Variants in IL1RAPL1 observed in about 807,000 individuals in gnomAD.
IL1RAPL1 encodes interleukin 1 receptor accessory protein like 1.
A neutral mutation model predicts 48.4 loss-of-function variants in IL1RAPL1; 3 were observed. The ratio of observed to expected loss-of-function variants is 0.06; its 90% CI spans 0.03 to 0.16. The LOEUF (loss-of-function observed/expected upper bound fraction) is 0.16. Among genes scored for constraint, IL1RAPL1 ranks in the 10% least tolerant of loss-of-function variants. IL1RAPL1 has a pLI of 1.00. For synonymous variants in IL1RAPL1, 185 were observed against 187.7 expected (o/e 0.99, Z 0.12); for missense variants, 349 against 530.6 (o/e 0.66, Z 3.36).
intron 5 of IL1RAPL1, among the ~76,000 whole-genome samples, chrX:29,400,720 G>T (rs1390534767): frequency 9.0e-6 from 1 of 111,584 alleles, no homozygotes; most frequent in Admixed American, 9.5e-5. Flanking sequence ...TTCTTTTAAG[G>T]TATCTGGCTA....
At chrX:29,910,245 G>A (rs1024711785) in intron 6 of IL1RAPL1, among the ~76,000 whole-genome samples, 8 of 110,610 alleles carry the variant, frequency 7.2e-5, no homozygotes, top group East Asian at 5.7e-4. Context: ...GAGGGTGAGA[G>A]GAGGCTGAGA....
At chrX:29,079,224 A>G (rs925824658) in intron 2 of IL1RAPL1, among the ~76,000 whole-genome samples, 2 of 111,846 alleles carry the variant, frequency 1.8e-5, no homozygotes, top group Non-Finnish European at 3.8e-5. Context: ...AGAAATTCAA[A>G]CTGTCAGAGG....
chrX:28,723,542 C>T (rs745964246), intron 1 of IL1RAPL1, among the ~76,000 whole-genome samples: 1 of 111,750 alleles, frequency 8.9e-6, no homozygotes, highest in African/African-American at 3.3e-5. Context: ...TTCAAAAAAG[C>T]AGCTTCTGGA....
chrX:28,845,412 T>C (rs1240249782), intron 2 of IL1RAPL1, among the ~76,000 whole-genome samples: 1 of 111,882 alleles, frequency 8.9e-6, no homozygotes, highest in African/African-American at 3.2e-5. Flanking sequence ...ATCAATGATA[T>C]AAAATCTCTC....
chrX:29,706,413 C>G (rs1226587865), intron 6 of IL1RAPL1, among the ~76,000 whole-genome samples: 1 of 111,932 alleles, frequency 8.9e-6, no homozygotes, highest in East Asian at 2.8e-4. Flanking sequence ...TCTCTTCCAC[C>G]TATGAGCCTG....
At position 29,497,846 on chromosome X, in the gene IL1RAPL1, A is replaced by G. The variant is rs150559159; in HGVS notation, c.703+98538A>G. Among the ~76,000 whole-genome samples, 871 of 111,810 alleles carry G rather than the reference A, an allele frequency of 7.8e-3. 4 individuals are homozygous for G. Among genetic ancestry groups the G allele is most frequent in the African/African-American group, 0.025 (776 of 30,784 alleles). ...TTCATCTTAAATTTGGTGATCCTCTATAGTTTAATAATTGTCAGAATAAAG... is the reference window on the plus strand; with the variant it reads ...TTCATCTTAAATTTGGTGATCCTCTGTAGTTTAATAATTGTCAGAATAAAG... On this transcript the variant is annotated intron_variant, in intron 5 of 10. Transcript: ENST00000378993.
At chrX:28,977,204 T>C (rs1333658055) in intron 2 of IL1RAPL1, among the ~76,000 whole-genome samples, 1 of 112,265 alleles carries the variant, frequency 8.9e-6, no homozygotes, top group South Asian at 3.7e-4. Flanking sequence ...CACACTGTTA[T>C]AAAGAAATAC....
intron 6 of IL1RAPL1, among the ~76,000 whole-genome samples, chrX:29,772,832 C>T (rs1162991307): frequency 9.0e-6 from 1 of 111,347 alleles, no homozygotes; most frequent in African/African-American, 3.3e-5. Context: ...CAGTGCTCTT[C>T]TCCATTTGCT....
intron 1 of IL1RAPL1, among the ~76,000 whole-genome samples, chrX:28,671,772 A>C (rs1257361391): frequency 8.9e-6 from 1 of 112,126 alleles, no homozygotes; most frequent in African/African-American, 3.2e-5. Flanking sequence ...TGCCTAGCCA[A>C]TTTAATATGA....
chrX:28,992,521 G>GA lies in IL1RAPL1; in HGVS notation c.82+203106dup, dbSNP rs1213340667. 4.5e-3 allele frequency among the ~76,000 whole-genome samples: 385 copies of GA among 86,030 alleles called. 1 individual carries two copies. The highest frequency in any genetic ancestry group is 0.014 in the African/African-American group (342 of 23,604). 74.7% of individuals were successfully genotyped at this position (86,030 alleles called of 115,157 possible). On this transcript the variant is annotated intron_variant, in intron 2 of 10. Transcript: ENST00000378993. ...AAAAAAGAAAAAAAAAAAAAAAGAA[G>GA]AAAAAAAAAAGAAAACTGCCAAGTA... is the stretch of plus-strand genomic sequence containing the variant.
chrX:28,897,153 A>C (rs925334025), intron 2 of IL1RAPL1, among the ~76,000 whole-genome samples: 3 of 108,361 alleles, frequency 2.8e-5, no homozygotes, highest in East Asian at 5.9e-4. Context: ...CACGGAGAGA[A>C]GGGGTTGGGG....
At position 28,609,777 on chromosome X, in the gene IL1RAPL1, T is replaced by G. The variant is rs1210113935; in HGVS notation, c.-25+21730T>G. ...CTTGTTTTAACCCTTCCTTAATGTC[T>G]CTGGTAGAATGTGTTATCCAATAAC... On this transcript the variant is annotated intron_variant, in intron 1 of 10. Coordinates refer to ENST00000378993, the MANE Select transcript of IL1RAPL1 (RefSeq NM_014271.4). Among the ~76,000 whole-genome samples the G allele has an allele frequency of 2.7e-5, 3 of 110,370 alleles. No homozygotes were observed. The East Asian group carries it at 8.5e-4, about 31-fold the overall frequency.
intron 5 of IL1RAPL1, among the ~76,000 whole-genome samples, chrX:29,523,204 A>C (rs1443382344): frequency 1.8e-5 from 2 of 111,723 alleles, no homozygotes; most frequent in Non-Finnish European, 3.8e-5. Context: ...AATATGCTAT[A>C]GTCTCCTGGA....
Position 29,668,472 on chromosome X carries a change from A to G in IL1RAPL1, c.746A>G (p.Glu249Gly). 4 of 1,209,201 alleles carry G rather than the reference A, an allele frequency of 3.3e-6. No individual in the cohort carries two copies. Among genetic ancestry groups the G allele is most frequent in the Non-Finnish European group, 4.5e-6 (4 of 893,228 alleles). Residue 249 changes from glutamate to glycine, a missense_variant, in exon 6 of 11, where the codon GAA (glutamate) becomes GGA (glycine). Physicochemically the swap from Glu to Gly is moderately conservative, Grantham distance 98. Transcript: ENST00000378993. ...CCACCCAAGCTTTTGTATCCTATGGAAAGTAAACTGACAATTCAGGAGACC... is the reference window on the plus strand; with the variant it reads ...CCACCCAAGCTTTTGTATCCTATGGGAAGTAAACTGACAATTCAGGAGACC... ...DKPPKLLYPM[E>G]SKLTIQETQL...
intron 2 of IL1RAPL1, among the ~76,000 whole-genome samples, chrX:29,268,375 G>T (rs1045809772): frequency 8.9e-6 from 1 of 112,097 alleles, no homozygotes; most frequent in African/African-American, 3.2e-5. Context: ...GAATGAACAG[G>T]CTTGATTAAT....
intron 8 of IL1RAPL1, among the ~76,000 whole-genome samples, chrX:29,920,635 AAATACAAAAATTAGCTGGCGGT>A: frequency 9.2e-6 from 1 of 108,139 alleles, no homozygotes; most frequent in Admixed American, 1.0e-4. Context: ...TCTCTACTAA[AAATACAAAAATTAGCTGGCGGT>A]AGTGGTGCAA....
At chrX:29,778,001 G>A (rs887370256) in intron 6 of IL1RAPL1, among the ~76,000 whole-genome samples, 1 of 105,487 alleles carries the variant, frequency 9.5e-6, no homozygotes, top group Non-Finnish European at 1.9e-5. Flanking sequence ...TCATTTATAC[G>A]ATATATATTG....
At chrX:28,724,416 C>T (rs1228095190) in intron 1 of IL1RAPL1, among the ~76,000 whole-genome samples, 1 of 110,541 alleles carries the variant, frequency 9.0e-6, no homozygotes, top group African/African-American at 3.3e-5. Context: ...AGGATTGCAA[C>T]CCCTGCCTTT....
At position 29,476,897 on chromosome X, in the gene IL1RAPL1, G is replaced by A. The variant is rs766819960; in HGVS notation, c.703+77589G>A. Among the ~76,000 whole-genome samples, 414 of 22,328 alleles carry A rather than the reference G, an allele frequency of 0.019. 9 individuals are homozygous for A. In the African/African-American group the frequency reaches 0.23, roughly 13 times the overall value. 19.4% of individuals were successfully genotyped at this position (22,328 alleles called of 115,157 possible). On this transcript the variant is annotated intron_variant, in intron 5 of 10. Transcript: ENST00000378993. ...CTTTTTTTTTTTTTTTTTTTGAGACGGAGTCTCGCTCTGTCGCCCAGGCCG... is the reference window on the plus strand; with the variant it reads ...CTTTTTTTTTTTTTTTTTTTGAGACAGAGTCTCGCTCTGTCGCCCAGGCCG...
Sources: gnomAD v4.1 joint callset for allele counts (sites outside exome capture counted in the v4.1 genomes callset) on GRCh38, gnomAD v4.1.1 for gene constraint, MANE v1.5 for transcripts, NCBI Gene and HGNC (gene_info 2026-07-23, HGNC 2026-07-21) for gene names.